The following HSPB6 variants were observed in gnomAD, a reference collection of about 807,000 sequenced individuals.
HSPB6 encodes heat shock protein family B (small) member 6, also known as heat shock protein beta-6.
In HSPB6, 8 loss-of-function variants were observed where a neutral mutation model predicts 10.7. The observed-to-expected ratio is 0.75, with a 90% CI of 0.44 to 1.35. The LOEUF is 1.35. Ranked by LOEUF, HSPB6 falls within the 40% of genes most tolerant of loss-of-function variation. HSPB6 has a pLI of 0.00. For synonymous variants in HSPB6, 128 were observed against 114.2 expected (o/e 1.12, Z -0.77); for missense variants, 232 against 236.0 (o/e 0.98, Z 0.11).
chr19:35,756,982 C>T lies in HSPB6; in HGVS notation c.27G>A (p.Pro9=), dbSNP rs1474937035. The T allele has an allele frequency of 3.9e-6, 6 of 1,545,822 alleles. No homozygotes were observed. Among genetic ancestry groups the T allele is most frequent in the Admixed American group, 3.9e-5 (2 of 51,006 alleles). The change falls in exon 1 of 3, where the codon CCG becomes CCA. Residue 9 remains proline, a synonymous_variant. Transcript: ENST00000004982. ...GGGCCGAGGCGCGGCGCAGCCAAGA[C>T]GGCTGCACAGGCACAGGGATCTCCA... is the stretch of plus-strand genomic sequence containing the variant. MEIPVPVQ[P]SWLRRASAPL...
rs947346726 is a variant in HSPB6 at position 35,756,677 on chromosome 19, G to A, written c.198+134C>T. The A allele has an allele frequency of 5.8e-5, 49 of 847,840 alleles. No individual in the cohort carries two copies. In the Admixed American group the frequency reaches 1.1e-3, roughly 19 times the overall value. The allele number at this position is 847,840 out of a possible 1,614,324, so 52.5% of individuals were successfully genotyped here. A position where few individuals can be genotyped will look rare whatever the true frequency, so the allele number is the denominator to read the frequency against. The stretch of plus-strand genomic sequence containing the variant: ...CGGGCCTCAGATTCCCATTGACTCC[G>A]GAAGCCCTTCGGAGCTGCGGACTCT... On this transcript the variant is annotated intron_variant, in intron 1 of 2. Coordinates refer to ENST00000004982, the MANE Select transcript of HSPB6 (RefSeq NM_144617.3).
chr19:35,756,232 C>T (rs1360853806), intron 1 of HSPB6, among the ~76,000 whole-genome samples: 2 of 151,840 alleles, frequency 1.3e-5, no homozygotes, highest in Non-Finnish European at 2.9e-5. Flanking sequence ...CTCAGAGCCC[C>T]GGGTCCCTTC....
Position 35,755,109 on chromosome 19 carries a change from A to C in HSPB6, c.*413T>G. On this transcript the variant is annotated 3_prime_UTR_variant, in exon 3 of 3. Transcript: ENST00000004982. ...CTGGGGTTGGGGGAGGGCTGTCTACACCATAATTTGGTGTCAAAATAGGGA... is the reference window on the plus strand; with the variant it reads ...CTGGGGTTGGGGGAGGGCTGTCTACCCCATAATTTGGTGTCAAAATAGGGA... 3.0e-6 allele frequency: 1 copy of C among 331,188 alleles called. No homozygotes were observed. The highest frequency in any genetic ancestry group is 5.7e-6 in the Non-Finnish European group (1 of 176,532). The allele number at this position is 331,188 out of a possible 1,614,324, so 20.5% of individuals were successfully genotyped here. A position where few individuals can be genotyped will look rare whatever the true frequency, so the allele number is the denominator to read the frequency against.
chr19:35,755,739 C>G, intron 2 of HSPB6, 33 bp downstream of exon 2: 1 of 1,540,998 alleles, frequency 6.5e-7, no homozygotes, highest in Non-Finnish European at 8.7e-7. Flanking sequence ...GGCGAGCGTA[C>G]CCGCTCCAGC....
rs1303810004 is a variant in HSPB6 at position 35,755,777 on chromosome 19, G to T, written c.316C>A (p.Arg106Ser). The change falls in exon 2 of 3, where the codon CGC becomes AGC. Residue 106 changes from arginine (R) to serine (S), a missense_variant. Transcript: ENST00000004982. ...HVEVHARHEE[R>S]PDEHGFVARE... ...CGCCCCACGCCGCGGCTCACCGGGCGCTCCTCGTGGCGCGCGTGCACCTCC... is the reference window on the plus strand; with the variant it reads ...CGCCCCACGCCGCGGCTCACCGGGCTCTCCTCGTGGCGCGCGTGCACCTCC... The T allele has an allele frequency of 1.3e-6, 2 of 1,581,936 alleles. No individual in the cohort carries two copies. The highest frequency in any genetic ancestry group is 1.7e-6 in the Non-Finnish European group (2 of 1,166,104).
Position 35,754,604 on chromosome 19 carries a change from T to TG in HSPB6, c.*917dup, listed in dbSNP as rs1970729753. Reference sequence around the variant, plus strand: ...AGCACATTTATTGGGAGAGTAAGCCTGGGAAAGACTAAGGGAGTGGTGGCA... The same window carrying TG: ...AGCACATTTATTGGGAGAGTAAGCCTGGGGAAAGACTAAGGGAGTGGTGGCA... On this transcript the variant is annotated 3_prime_UTR_variant, in exon 3 of 3. Transcript: ENST00000004982. 2 of 838,918 alleles carry TG rather than the reference T, an allele frequency of 2.4e-6. No homozygotes were observed. The highest frequency in any genetic ancestry group is 3.9e-6 in the Non-Finnish European group (2 of 513,348). The allele number at this position is 838,918 out of a possible 1,614,324, so 52.0% of individuals were successfully genotyped here.
chr19:35,755,197 T>G lies in HSPB6; in HGVS notation c.*325A>C. The G allele has an allele frequency of 2.0e-6, 1 of 504,564 alleles. No individual in the cohort carries two copies. Among genetic ancestry groups the G allele is most frequent in the Non-Finnish European group, 3.5e-6 (1 of 284,650 alleles). 31.3% of individuals were successfully genotyped at this position (504,564 alleles called of 1,614,324 possible). A position where few individuals can be genotyped will look rare whatever the true frequency, so the allele number is the denominator to read the frequency against. On this transcript the variant is annotated 3_prime_UTR_variant, in exon 3 of 3. Coordinates refer to ENST00000004982, the MANE Select transcript of HSPB6 (RefSeq NM_144617.3). The stretch of plus-strand genomic sequence containing the variant: ...GACTCAGAAGGAAGTAGAGGAGGGG[T>G]CTTAAGTGGGGCTATATGCCAAGAA...
chr19:35,754,808 G>C lies in HSPB6; in HGVS notation c.*714C>G, dbSNP rs759986841. The C allele has an allele frequency of 2.4e-6, 1 of 424,064 alleles. No individual in the cohort carries two copies. The highest frequency in any genetic ancestry group is 5.0e-5 in the East Asian group (1 of 20,150). The allele number at this position is 424,064 out of a possible 1,614,324, so 26.3% of individuals were successfully genotyped here. ...GGAGGGGGCCTAGGACATCCGTGCA[G>C]AGTCTGGGGAGGTTGGGGTGGGAGA... On this transcript the variant is annotated 3_prime_UTR_variant, in exon 3 of 3. Transcript: ENST00000004982.
At position 35,755,613 on chromosome 19, in the gene HSPB6, G is replaced by A; in HGVS notation, c.392C>T (p.Ala131Val). The A allele has an allele frequency of 2.2e-5, 33 of 1,533,336 alleles. No homozygotes were observed. Among genetic ancestry groups the A allele is most frequent in the Non-Finnish European group, 2.9e-5 (33 of 1,144,782 alleles). 95.0% of individuals were successfully genotyped at this position (1,533,336 alleles called of 1,614,324 possible). A position where few individuals can be genotyped will look rare whatever the true frequency, so the allele number is the denominator to read the frequency against. Residue 131 changes from alanine to valine, a missense_variant, in exon 3 of 3, where the codon GCC (alanine) becomes GTC (valine). Physicochemically the swap from Ala to Val is moderately conservative, Grantham distance 64 (BLOSUM62 0). Coordinates refer to ENST00000004982, the MANE Select transcript of HSPB6 (RefSeq NM_144617.3). The part of the protein sequence containing the change: ...YRLPPGVDPA[A>V]VTSALSPEGV... ...CTCGGGGGACAGCGCGGACGTCACG[G>A]CAGCCGGATCCACGCCAGGCGGCAG...
At chr19:35,755,991 C>A in intron 1 of HSPB6, 97 bp from the exon 2 acceptor site, 1 of 1,478,226 alleles carries the variant, frequency 6.8e-7, no homozygotes, top group African/African-American at 1.4e-5. Context: ...CGTGCCGCGG[C>A]TCACTCTGGC....
rs1205447210 is a variant in HSPB6, at chr19:35,755,538, G to T, written c.467C>A (p.Pro156Gln). 1 of 1,516,114 alleles carries T rather than the reference G, an allele frequency of 6.6e-7. No individual in the cohort carries two copies. Among genetic ancestry groups the T allele is most frequent in the Admixed American group, 2.1e-5 (1 of 47,864 alleles). 93.9% of individuals were successfully genotyped at this position (1,516,114 alleles called of 1,614,324 possible). The change falls in exon 3 of 3, where the codon CCA becomes CAA. Residue 156 changes from proline (P) to glutamine (Q), a missense_variant. Transcript: ENST00000004982. ...AGCCCCCTCCTACTTGGCTGCGGCT[G>T]GCGGTGGGGCCTGGGCCGACGCTGG... is the stretch of plus-strand genomic sequence containing the variant. Reference protein sequence around the residue: ...AAPASAQAPPPAAAK With the variant: ...AAPASAQAPPQAAAK
chr19:35,756,385 G>A (rs1304555488), intron 1 of HSPB6, among the ~76,000 whole-genome samples: 2 of 151,856 alleles, frequency 1.3e-5, no homozygotes, highest in Non-Finnish European at 2.9e-5. Context: ...CCTTCCTCAA[G>A]TCGCAGGGCC....
At position 35,755,331 on chromosome 19, in the gene HSPB6, G is replaced by A. The variant is rs149052927; in HGVS notation, c.*191C>T. On this transcript the variant is annotated 3_prime_UTR_variant, in exon 3 of 3. Transcript: ENST00000004982. Reference sequence around the variant, plus strand: ...GGTCGGAAAGCTGGAGGGGGTGTGAGAGCGAGGGTGTCAGTGGAAGGGTCT... The same window carrying A: ...GGTCGGAAAGCTGGAGGGGGTGTGAAAGCGAGGGTGTCAGTGGAAGGGTCT... 3 of 713,604 alleles carry A rather than the reference G, an allele frequency of 4.2e-6. No homozygotes were observed. Among genetic ancestry groups the A allele is most frequent in the Non-Finnish European group, 7.5e-6 (3 of 401,794 alleles). 44.2% of individuals were successfully genotyped at this position (713,604 alleles called of 1,614,324 possible).
rs941318071 is a variant in HSPB6, at chr19:35,755,922, G to A, written c.199-28C>T. On this transcript the variant is annotated intron_variant, in intron 1 of 2. Transcript: ENST00000004982. ...GAGCGCAGCGGGCGCGGGCGGGACTGTCATTGGGCTGGGCCAGGCTCCAGG... is the reference window on the plus strand; with the variant it reads ...GAGCGCAGCGGGCGCGGGCGGGACTATCATTGGGCTGGGCCAGGCTCCAGG... 9.0e-6 allele frequency: 14 copies of A among 1,548,332 alleles called. No homozygotes were observed. In the African/African-American group the frequency reaches 1.8e-4, roughly 20 times the overall value.
In HSPB6 at chr19:35,755,799, C is replaced by T. The variant is rs760222716; in HGVS notation, c.294G>A (p.Glu98=). The T allele has an allele frequency of 6.3e-7, 1 of 1,595,642 alleles. No individual in the cohort carries two copies. Among genetic ancestry groups the T allele is most frequent in the Non-Finnish European group, 8.5e-7 (1 of 1,172,284 alleles). ...IAVKVVGEHV[E]VHARHEERPD... is the part of the protein sequence containing the mutation. The stretch of plus-strand genomic sequence containing the variant: ...GGCGCTCCTCGTGGCGCGCGTGCAC[C>T]TCCACGTGTTCGCCCACCACCTTGA... The change falls in exon 2 of 3, where the codon GAG becomes GAA. Residue 98 remains glutamate (E), a synonymous_variant. Transcript: ENST00000004982.
At chr19:35,755,971 C>G in intron 1 of HSPB6, 77 bp from the exon 2 acceptor site, 4 of 1,499,836 alleles carry the variant, frequency 2.7e-6, no homozygotes, top group East Asian at 5.2e-5. Context: ...GACCCCACCC[C>G]CGTCGGTTCC....
rs1970737897 is a variant in HSPB6 at position 35,755,232 on chromosome 19, G to A, written c.*290C>T. ...GGCTATATGCCAAGAAAGTGGGTCGGTGGGGCTGAGACTGTCGGCTGAGGG... is the reference window on the plus strand; with the variant it reads ...GGCTATATGCCAAGAAAGTGGGTCGATGGGGCTGAGACTGTCGGCTGAGGG... On this transcript the variant is annotated 3_prime_UTR_variant, in exon 3 of 3. Transcript: ENST00000004982. 1.7e-6 allele frequency: 1 copy of A among 594,604 alleles called. No individual in the cohort carries two copies. The highest frequency in any genetic ancestry group is 1.8e-5 in the South Asian group (1 of 54,172). 36.8% of individuals were successfully genotyped at this position (594,604 alleles called of 1,614,324 possible).
Position 35,755,820 on chromosome 19 carries a change from C to A in HSPB6, c.273G>T (p.Lys91Asn). The change falls in exon 2 of 3, where the codon AAG (lysine) becomes AAT (asparagine). Residue 91 changes from lysine to asparagine, a missense_variant. Physicochemically the swap from Lys to Asn is moderately conservative, Grantham distance 94. Coordinates refer to ENST00000004982, the MANE Select transcript of HSPB6 (RefSeq NM_144617.3). Reference protein sequence around the residue: ...KHFSPEEIAVKVVGEHVEVHA... With the variant: ...KHFSPEEIAVNVVGEHVEVHA... Reference sequence around the variant, plus strand: ...GCACCTCCACGTGTTCGCCCACCACCTTGACAGCAATTTCCTCCGGCGAGA... The same window carrying A: ...GCACCTCCACGTGTTCGCCCACCACATTGACAGCAATTTCCTCCGGCGAGA... 6.3e-7 allele frequency: 1 copy of A among 1,597,192 alleles called. No individual in the cohort carries two copies. The highest frequency in any genetic ancestry group is 8.5e-7 in the Non-Finnish European group (1 of 1,172,936).
chr19:35,755,509 G>GGGCCCC lies in HSPB6; in HGVS notation c.*12_*13insGGGGCC. On this transcript the variant is annotated 3_prime_UTR_variant, in exon 3 of 3. Transcript: ENST00000004982. ...AGGAGGCTCCCGGGGTGCGGGCGCGGCCCAGCCCCCTCCTACTTGGCTGCG... is the reference window on the plus strand; with the variant it reads ...AGGAGGCTCCCGGGGTGCGGGCGCGGGGCCCCCCCAGCCCCCTCCTACTTGGCTGCG... 1 of 1,507,758 alleles carries GGGCCCC rather than the reference G, an allele frequency of 6.6e-7. No homozygotes were observed. The highest frequency in any genetic ancestry group is 8.8e-7 in the Non-Finnish European group (1 of 1,131,426). 93.4% of individuals were successfully genotyped at this position (1,507,758 alleles called of 1,614,324 possible). A position where few individuals can be genotyped will look rare whatever the true frequency, so the allele number is the denominator to read the frequency against.
Sources: allele counts gnomAD v4.1 joint callset (sites outside exome capture counted in the v4.1 genomes callset), GRCh38; gene constraint gnomAD v4.1.1; transcripts MANE v1.5; gene names NCBI Gene and HGNC (gene_info 2026-07-23, HGNC 2026-07-21).